PCDHGA7: variants seen among roughly 807,000 people sequenced by gnomAD.
PCDHGA7 encodes the protein protocadherin gamma-A7.
PCDHGA7 carries 44 observed loss-of-function variants against 58.3 expected under a neutral mutation model. The observed-to-expected ratio is 0.75, with a 90% CI of 0.59 to 0.97. The LOEUF is 0.97. PCDHGA7 is among the 50% of genes least tolerant of loss of function. The pLI, the probability that PCDHGA7 is intolerant of heterozygous loss-of-function variation, is 0.00. For synonymous variants in PCDHGA7, 516 were observed against 504.2 expected (o/e 1.02, Z -0.31); for missense variants, 1,266 against 1,188.7 (o/e 1.06, Z -0.96).
In PCDHGA7 at chr5:141,493,026, C is replaced by T. The variant is rs73280358; in HGVS notation, c.2425-1781C>T. 6.6e-6 allele frequency among the ~76,000 whole-genome samples: 1 copy of T among 152,190 alleles called. No individual in the cohort carries two copies. The highest frequency in any genetic ancestry group is 1.5e-5 in the Non-Finnish European group (1 of 68,034). Reference sequence around the variant, plus strand: ...TAGGCTCTGCCAGATGCCAGGGTGCCCTTATGTGTGAGGAAACTACAATAG... The same window carrying T: ...TAGGCTCTGCCAGATGCCAGGGTGCTCTTATGTGTGAGGAAACTACAATAG... On this transcript the variant is annotated intron_variant, in intron 1 of 3. Coordinates refer to ENST00000518325, the MANE Select transcript of PCDHGA7 (RefSeq NM_018920.4). This position sits in a 1 kb window ranked among gnomAD's most constrained non-coding sequence, Gnocchi z 4.3.
At chr5:141,413,012 A>T in intron 1 of PCDHGA7, 1 of 657,714 alleles carries the variant, frequency 1.5e-6, no homozygotes, top group Non-Finnish European at 2.5e-6. Context: ...GGCTTCAACT[A>T]CACAAGCCCC....
Position 141,490,397 on chromosome 5 carries a change from G to A in PCDHGA7, c.2425-4410G>A. 6.2e-7 allele frequency: 1 copy of A among 1,614,170 alleles called. No individual in the cohort carries two copies. Among genetic ancestry groups the A allele is most frequent in the South Asian group, 1.1e-5 (1 of 91,080 alleles). On this transcript the variant is annotated intron_variant, in intron 1 of 3. Coordinates refer to ENST00000518325, the MANE Select transcript of PCDHGA7 (RefSeq NM_018920.4). This position sits in a 1 kb window ranked among gnomAD's most constrained non-coding sequence, Gnocchi z 5.4. ...GACTCAGGTAGAAATGGTGAAGTGA[G>A]CCTTGATATCTCTCCGGACCTGCCA...
chr5:141,440,997 A>G (rs1191545127), intron 1 of PCDHGA7: 1 of 152,178 alleles, frequency 6.6e-6, no homozygotes, highest in East Asian at 1.9e-4. Context: ...ACCCATATCT[A>G]GTTTGGCCTT....
intron 1 of PCDHGA7, chr5:141,478,292 CTATA>C (rs1257685524): frequency 6.2e-7 from 1 of 1,614,146 alleles, no homozygotes; most frequent in Admixed American, 1.7e-5. Flanking sequence ...GTCTAGAGAC[CTATA>C]CCGAGCCCCG....
intron 1 of PCDHGA7, among the ~76,000 whole-genome samples, chr5:141,457,537 T>C (rs967428207): frequency 6.6e-6 from 1 of 152,228 alleles, no homozygotes; most frequent in Non-Finnish European, 1.5e-5. Context: ...TAGGGTTTAA[T>C]GACAAATGTA....
At chr5:141,421,797 C>T in intron 1 of PCDHGA7, 1 of 1,613,744 alleles carries the variant, frequency 6.2e-7, no homozygotes, top group Non-Finnish European at 8.5e-7. Context: ...CGGATGGGGC[C>T]AAGAATCCAG....
In PCDHGA7 at chr5:141,477,491, C is replaced by T; in HGVS notation, c.2425-17316C>T. 1 of 1,614,154 alleles carries T rather than the reference C, an allele frequency of 6.2e-7. No homozygotes were observed. The highest frequency in any genetic ancestry group is 8.5e-7 in the Non-Finnish European group (1 of 1,180,022). On this transcript the variant is annotated intron_variant, in intron 1 of 3. Coordinates refer to ENST00000518325, the MANE Select transcript of PCDHGA7 (RefSeq NM_018920.4). The surrounding 1 kb of genome is among the most constrained non-coding windows in gnomAD (Gnocchi z 4.9). ...CAATGACAACCCTCCACAATCTTCT[C>T]AATCTTCCTACGACGTTTACATTGA...
chr5:141,454,385 T>C (rs1168439343), intron 1 of PCDHGA7, among the ~76,000 whole-genome samples: 5 of 152,194 alleles, frequency 3.3e-5, no homozygotes, highest in Non-Finnish European at 7.4e-5. Flanking sequence ...CTTGTCAAGA[T>C]GAAGAAAAGG....
chr5:141,427,805 A>G lies in PCDHGA7; in HGVS notation c.2424+42482A>G, dbSNP rs1010656936. The G allele has an allele frequency of 3.3e-6, 5 of 1,520,154 alleles. No homozygotes were observed. In the African/African-American group the frequency reaches 4.1e-5, roughly 12 times the overall value. 94.2% of individuals were successfully genotyped at this position (1,520,154 alleles called of 1,614,324 possible). ...TGTCGTCCTACGTGTCCGTGAGCGC[A>G]CAGAGCGGGGTGGTGGTCGCGCAGC... On this transcript the variant is annotated intron_variant, in intron 1 of 3. Coordinates refer to ENST00000518325, the MANE Select transcript of PCDHGA7 (RefSeq NM_018920.4).
At chr5:141,385,585 C>G (rs1051281848) in intron 1 of PCDHGA7, 41 of 1,267,842 alleles carry the variant, frequency 3.2e-5, no homozygotes, top group Admixed American at 1.9e-4. Context: ...AATCTATGTT[C>G]CAACCTACTT....
chr5:141,478,633 TGATGAA>T, intron 1 of PCDHGA7: 4 of 1,553,032 alleles, frequency 2.6e-6, no homozygotes, highest in Non-Finnish European at 3.5e-6. Flanking sequence ...GTTTTTTTAG[TGATGAA>T]GATGTTTTCC....
At chr5:141,508,792 C>T (rs1198342551) in intron 3 of PCDHGA7, among the ~76,000 whole-genome samples, 3 of 152,130 alleles carry the variant, frequency 2.0e-5, no homozygotes, top group Admixed American at 6.5e-5. Flanking sequence ...CTAAATCACT[C>T]TGGAATCCTG....
intron 3 of PCDHGA7, among the ~76,000 whole-genome samples, chr5:141,506,781 T>C (rs965408564): frequency 1.4e-4 from 22 of 152,168 alleles, no homozygotes; most frequent in African/African-American, 5.3e-4. Context: ...CCTGGGCTTA[T>C]AAGGAGGCTG....
Position 141,447,676 on chromosome 5 carries a change from C to T in PCDHGA7, c.2425-47131C>T, listed in dbSNP as rs1466767844. Among the ~76,000 whole-genome samples the T allele has an allele frequency of 2.6e-5, 4 of 152,104 alleles. No individual in the cohort carries two copies. The East Asian group carries it at 7.7e-4, about 29-fold the overall frequency. On this transcript the variant is annotated intron_variant, in intron 1 of 3. Coordinates refer to ENST00000518325, the MANE Select transcript of PCDHGA7 (RefSeq NM_018920.4). The stretch of plus-strand genomic sequence containing the variant: ...CCCCCCCAGGAAGTTAGAACTGTTC[C>T]ATATCTTGATAGAGGGATGGGTTAT...
chr5:141,422,043 G>A (rs1307532347), intron 1 of PCDHGA7: 13 of 1,611,504 alleles, frequency 8.1e-6, no homozygotes, highest in African/African-American at 1.3e-5. Flanking sequence ...ATCCAGACGA[G>A]GGAATCAACG....
At chr5:141,426,048 A>G (rs2096911760) in intron 1 of PCDHGA7, among the ~76,000 whole-genome samples, 1 of 152,182 alleles carries the variant, frequency 6.6e-6, no homozygotes, top group Non-Finnish European at 1.5e-5. Context: ...CTGTTGGCCA[A>G]TGTGCTGCAA....
intron 1 of PCDHGA7, chr5:141,421,202 C>G (rs1345590720): frequency 6.6e-7 from 1 of 1,519,226 alleles, no homozygotes; most frequent in Non-Finnish European, 8.8e-7. Flanking sequence ...CTCGAGAAAC[C>G]GCGGAATATC....
chr5:141,486,505 T>C lies in PCDHGA7; in HGVS notation c.2425-8302T>C. The C allele has an allele frequency of 6.2e-7, 1 of 1,614,156 alleles. No individual in the cohort carries two copies. ...GTACCCACAGAACTATTTTCCTCAA[T>C]ATTTCAGATGTGAATGATAATCCAC... is the stretch of plus-strand genomic sequence containing the variant. On this transcript the variant is annotated intron_variant, in intron 1 of 3. Coordinates refer to ENST00000518325, the MANE Select transcript of PCDHGA7 (RefSeq NM_018920.4). The surrounding 1 kb of genome is among the most constrained non-coding windows in gnomAD (Gnocchi z 5.0).
intron 1 of PCDHGA7, chr5:141,422,211 C>G: frequency 6.4e-7 from 1 of 1,563,286 alleles, no homozygotes; most frequent in Non-Finnish European, 8.6e-7. Context: ...GTGGAGGTCT[C>G]TTTACCACCA....
Sources: allele counts gnomAD v4.1 joint callset (sites outside exome capture counted in the v4.1 genomes callset), GRCh38; gene constraint gnomAD v4.1.1; non-coding constraint Gnocchi (gnomAD v3.1); transcripts MANE v1.5; gene names NCBI Gene and HGNC (gene_info 2026-07-23, HGNC 2026-07-21).